Variants in ARIH1 observed in about 807,000 individuals in gnomAD.
The protein encoded by ARIH1 is ariadne RBR E3 ubiquitin protein ligase 1.
ARIH1 carries 8 observed loss-of-function variants against 85.0 expected under a neutral mutation model. The observed-to-expected ratio is 0.09, with a 90% CI of 0.06 to 0.17. The LOEUF is 0.17. Ranked by LOEUF, ARIH1 falls within the 10% of genes least tolerant of loss-of-function variation. ARIH1 has a pLI of 1.00. For missense variants in ARIH1, 311 were observed against 718.1 expected, an observed-to-expected ratio of 0.43 and a Z score of 6.48; for synonymous variants, 238 against 253.6, an observed-to-expected ratio of 0.94 and a Z score of 0.59.
At chr15:72,500,863 G>A (rs1402599481) in intron 1 of ARIH1, among the ~76,000 whole-genome samples, 1 of 152,108 alleles carries the variant, frequency 6.6e-6, no homozygotes, top group African/African-American at 2.4e-5. Flanking sequence ...GTTAAATCTT[G>A]CAGTACCATT....
intron 2 of ARIH1, among the ~76,000 whole-genome samples, chr15:72,525,134 G>T (rs1408325398): frequency 6.6e-6 from 1 of 152,062 alleles, no homozygotes; most frequent in Admixed American, 6.6e-5. Flanking sequence ...CAAGTGATCT[G>T]CCCGCCTCAG....
chr15:72,600,168 A>C lies in ARIH1; in HGVS notation c.*16876A>C, dbSNP rs2064377482. 6.6e-6 allele frequency: 1 copy of C among 152,200 alleles called. No individual in the cohort carries two copies. The highest frequency in any genetic ancestry group is 2.4e-5 in the African/African-American group (1 of 41,456). The allele number at this position is 152,200 out of a possible 1,614,324, so 9.4% of individuals were successfully genotyped here. ...GTTTATACATATATTGGGGGTGTTG[A>C]AAAGTTACCGATGCCTGATTCCTCT... is the stretch of plus-strand genomic sequence containing the variant. On this transcript the variant is annotated 3_prime_UTR_variant, in exon 14 of 14. Coordinates refer to ENST00000379887, the MANE Select transcript of ARIH1 (RefSeq NM_005744.5).
At chr15:72,517,548 C>A (rs935443861) in intron 1 of ARIH1, among the ~76,000 whole-genome samples, 10 of 152,040 alleles carry the variant, frequency 6.6e-5, no homozygotes, top group African/African-American at 2.4e-4. Flanking sequence ...CCTCAGCCTC[C>A]CAAGTAGCTG....
chr15:72,583,179 A>G (rs375288872), intron 13 of ARIH1, 29 bp from the exon 14 acceptor site: 1 of 1,382,478 alleles, frequency 7.2e-7, no homozygotes, highest in Non-Finnish European at 1.0e-6. Flanking sequence ...GCTGACAACA[A>G]GTTTTTTTTT....
At chr15:72,576,505 C>CAAAAAAAA (rs35725065) in intron 11 of ARIH1, among the ~76,000 whole-genome samples, 1 of 63,272 alleles carries the variant, frequency 1.6e-5, no homozygotes, top group Non-Finnish European at 2.6e-5. Context: ...GACTCTGTCT[C>CAAAAAAAA]AAAAAAAAAA....
chr15:72,599,521 TTTTTTA>T lies in ARIH1; in HGVS notation c.*16235_*16240del, dbSNP rs1429993307. On this transcript the variant is annotated 3_prime_UTR_variant, in exon 14 of 14. Coordinates refer to ENST00000379887, the MANE Select transcript of ARIH1 (RefSeq NM_005744.5). ...AATGTGTCAATATCTCTTCCTTTTA[TTTTTTA>T]TTTTTTGTAGAGACAGGGGTCTCAC... is the stretch of plus-strand genomic sequence containing the variant. The T allele has an allele frequency of 6.6e-6, 1 of 152,202 alleles. No individual in the cohort carries two copies. Among genetic ancestry groups the T allele is most frequent in the Non-Finnish European group, 1.5e-5 (1 of 68,038 alleles). 9.4% of individuals were successfully genotyped at this position (152,202 alleles called of 1,614,324 possible).
At chr15:72,481,922 C>T (rs923602917) in intron 1 of ARIH1, among the ~76,000 whole-genome samples, 2 of 152,032 alleles carry the variant, frequency 1.3e-5, no homozygotes, top group African/African-American at 4.8e-5. Context: ...CTGCAACCTT[C>T]GCCTGCTGGG....
At chr15:72,562,527 A>G (rs191374480) in intron 6 of ARIH1, among the ~76,000 whole-genome samples, 34 of 152,082 alleles carry the variant, frequency 2.2e-4, no homozygotes, top group East Asian at 2.1e-3. Context: ...TTTTTTCATA[A>G]TACTATAAAA....
chr15:72,497,115 G>T (rs1007791743), intron 1 of ARIH1, among the ~76,000 whole-genome samples: 2 of 152,208 alleles, frequency 1.3e-5, no homozygotes, highest in African/African-American at 4.8e-5. Flanking sequence ...TCTTTAAGAT[G>T]CCGAATAATA....
At chr15:72,525,245 T>A (rs988868195) in intron 2 of ARIH1, among the ~76,000 whole-genome samples, 1 of 152,082 alleles carries the variant, frequency 6.6e-6, no homozygotes, top group Non-Finnish European at 1.5e-5. Context: ...CGGGGGAAAA[T>A]TTTTTCGTTT....
intron 1 of ARIH1, among the ~76,000 whole-genome samples, chr15:72,491,160 A>G (rs11072372): frequency 0.81 from 123,464 of 152,200 alleles, 54,063 homozygotes; most frequent in East Asian, 1. Context: ...TAGCATGATA[A>G]ATCAGGCTTT....
chr15:72,483,110 C>T (rs908036324), intron 1 of ARIH1, among the ~76,000 whole-genome samples: 2 of 152,132 alleles, frequency 1.3e-5, no homozygotes, highest in Admixed American at 1.3e-4. Context: ...GATCTGCCCG[C>T]CTTAGCCTCC....
intron 3 of ARIH1, among the ~76,000 whole-genome samples, chr15:72,547,816 C>T (rs1331953728): frequency 6.6e-6 from 1 of 152,176 alleles, no homozygotes; most frequent in East Asian, 1.9e-4. Flanking sequence ...TTTCCTCCTG[C>T]CCTATCATAG....
chr15:72,540,200 G>A (rs1243662793), intron 2 of ARIH1, among the ~76,000 whole-genome samples: 1 of 145,780 alleles, frequency 6.9e-6, no homozygotes, highest in East Asian at 2.1e-4. Flanking sequence ...GGAGGTTGCA[G>A]TGAGCCGAGA....
At chr15:72,553,999 G>A (rs2064164089) in intron 3 of ARIH1, among the ~76,000 whole-genome samples, 2 of 152,134 alleles carry the variant, frequency 1.3e-5, no homozygotes, top group Admixed American at 6.5e-5. Flanking sequence ...GCAAGTGATA[G>A]GAGAACAACC....
At chr15:72,489,730 T>C (rs2063851606) in intron 1 of ARIH1, among the ~76,000 whole-genome samples, 1 of 152,230 alleles carries the variant, frequency 6.6e-6, no homozygotes, top group African/African-American at 2.4e-5. Flanking sequence ...GTTTCCACAG[T>C]TGAGAATCTT....
intron 1 of ARIH1, 168 bp downstream of exon 1, chr15:72,475,182 G>A (rs993697848): frequency 1.5e-6 from 2 of 1,338,354 alleles, no homozygotes; most frequent in African/African-American, 3.1e-5. Flanking sequence ...GTCGAAAGCA[G>A]AGGTTCGCCG....
At position 72,496,705 on chromosome 15, in the gene ARIH1, A is replaced by G. The variant is rs925221294; in HGVS notation, c.376-21362A>G. On this transcript the variant is annotated intron_variant, in intron 1 of 13. Transcript: ENST00000379887. ...CTTCTGGTTTTCCCCACCCCTTTAT[A>G]TATACCTTGATTTTAATTTTTATCA... 6.6e-5 allele frequency: 43 copies of G among 653,612 alleles called. No individual in the cohort carries two copies. The Admixed American group carries it at 1.6e-3, about 25-fold the overall frequency. 40.5% of individuals were successfully genotyped at this position (653,612 alleles called of 1,614,324 possible). A position where few individuals can be genotyped will look rare whatever the true frequency, so the allele number is the denominator to read the frequency against.
chr15:72,571,083 C>G (rs1044707694), intron 10 of ARIH1, among the ~76,000 whole-genome samples: 1 of 128,458 alleles, frequency 7.8e-6, no homozygotes, highest in African/African-American at 2.9e-5. Context: ...GAACCAAGAT[C>G]GCCCCATTGC....
Sources: gnomAD v4.1 joint callset for allele counts (sites outside exome capture counted in the v4.1 genomes callset) on GRCh38, gnomAD v4.1.1 for gene constraint, MANE v1.5 for transcripts, NCBI Gene and HGNC (gene_info 2026-07-23, HGNC 2026-07-21) for gene names.